Variants in DCAF1 observed in about 807,000 individuals in gnomAD.
DCAF1 encodes the protein DDB1 and CUL4 associated factor 1.
A neutral mutation model predicts 128.0 loss-of-function variants in DCAF1; 15 were observed. The ratio of observed to expected loss-of-function variants is 0.12; its 90% CI spans 0.08 to 0.18. The LOEUF (loss-of-function observed/expected upper bound fraction) is 0.18. Among genes scored for constraint, DCAF1 ranks in the 10% least tolerant of loss-of-function variants. The pLI is 1.00. For synonymous variants in DCAF1, 610 were observed against 603.0 expected (o/e 1.01, Z -0.17); for missense variants, 988 against 1,649.5 (o/e 0.60, Z 6.95).
chr3:51,458,817 A>C lies in DCAF1; in HGVS notation c.375+4297T>G, dbSNP rs1291844575. ...AACAACCTGCTCCTGAATGACTACTAGGTACATAATGAAATGAAGGCAGAA... is the reference window on the plus strand; with the variant it reads ...AACAACCTGCTCCTGAATGACTACTCGGTACATAATGAAATGAAGGCAGAA... On this transcript the variant is annotated intron_variant, in intron 6 of 24. Coordinates refer to ENST00000684031, the MANE Select transcript of DCAF1 (RefSeq NM_001387579.1). 7.2e-5 allele frequency among the ~76,000 whole-genome samples: 11 copies of C among 152,254 alleles called. No individual in the cohort carries two copies. In the East Asian group the frequency reaches 2.1e-3, roughly 29 times the overall value.
chr3:51,414,053 G>T lies in DCAF1; in HGVS notation c.3838-10C>A. ...AAGTTCGAAGGTCCCACTAGGAGGG[G>T]AATGGTCAAGGAAAACTATTTTACA... is the stretch of plus-strand genomic sequence containing the variant. On this transcript the variant is annotated splice_polypyrimidine_tract_variant and intron_variant, in intron 19 of 24. Transcript: ENST00000684031. The T allele has an allele frequency of 6.3e-7, 1 of 1,589,062 alleles. No individual in the cohort carries two copies. The highest frequency in any genetic ancestry group is 1.3e-5 in the African/African-American group (1 of 74,346).
At chr3:51,468,458 C>T (rs550299447) in intron 4 of DCAF1, among the ~76,000 whole-genome samples, 2 of 152,244 alleles carry the variant, frequency 1.3e-5, no homozygotes, top group South Asian at 2.1e-4. Context: ...AGGTATGAGC[C>T]ATCACACGCG....
chr3:51,448,069 T>C (rs1221891686), intron 6 of DCAF1, among the ~76,000 whole-genome samples: 3 of 152,246 alleles, frequency 2.0e-5, no homozygotes, highest in African/African-American at 7.2e-5. Flanking sequence ...GAATGTTTTT[T>C]TACTCTAGTT....
At chr3:51,436,532 G>C (rs1577137734) in intron 9 of DCAF1, 1 of 446,170 alleles carries the variant, frequency 2.2e-6, no homozygotes, top group East Asian at 6.4e-5. Flanking sequence ...CCCTATGCTA[G>C]GATAGACTGT....
At chr3:51,481,269 G>A (rs145499276) in intron 3 of DCAF1, among the ~76,000 whole-genome samples, 1 of 152,172 alleles carries the variant, frequency 6.6e-6, no homozygotes, top group Non-Finnish European at 1.5e-5. Flanking sequence ...ATGAATGAAG[G>A]TAGGAAAATC....
At chr3:51,461,844 T>C (rs1373097552) in intron 6 of DCAF1, among the ~76,000 whole-genome samples, 4 of 151,782 alleles carry the variant, frequency 2.6e-5, no homozygotes, top group Non-Finnish European at 5.9e-5. Context: ...TTCTCACTCA[T>C]AGGTGGGAAT....
At chr3:51,483,920 G>C in intron 2 of DCAF1, 84 bp from the exon 3 acceptor site, 1 of 893,552 alleles carries the variant, frequency 1.1e-6, no homozygotes, top group Non-Finnish European at 1.8e-6. Context: ...AGAAAAGGAC[G>C]AGAAGGCAAG....
chr3:51,474,294 C>A (rs1705160153), intron 3 of DCAF1, among the ~76,000 whole-genome samples: 7 of 152,112 alleles, frequency 4.6e-5, no homozygotes, highest in Admixed American at 4.6e-4. Flanking sequence ...GTGGTGCATG[C>A]CTGTAATTCC....
chr3:51,457,274 C>T (rs143657799), intron 6 of DCAF1, among the ~76,000 whole-genome samples: 4,565 of 152,180 alleles, frequency 0.03, 262 homozygotes, highest in African/African-American at 0.1. Context: ...AATGCAGAAG[C>T]CTCAGTAGCC....
chr3:51,501,627 C>T (rs1301884360), upstream of DCAF1, among the ~76,000 whole-genome samples: 2 of 152,116 alleles, frequency 1.3e-5, no homozygotes, highest in Admixed American at 6.6e-5. Flanking sequence ...CCACTAGATC[C>T]CATTTCCCTC....
intron 15 of DCAF1, 49 bp downstream of exon 15, chr3:51,419,685 T>G: frequency 6.5e-7 from 1 of 1,540,720 alleles, no homozygotes; most frequent in Non-Finnish European, 8.7e-7. Flanking sequence ...TTGATTTAAA[T>G]AAAAGAATCA....
At chr3:51,443,659 C>T in intron 7 of DCAF1, 107 bp downstream of exon 7, 1 of 964,526 alleles carries the variant, frequency 1.0e-6, no homozygotes, top group Non-Finnish European at 1.4e-6. Context: ...TATAGCCATG[C>T]TCCAGTACAA....
intron 9 of DCAF1, among the ~76,000 whole-genome samples, chr3:51,437,164 G>A (rs552395454): frequency 2.7e-5 from 4 of 149,906 alleles, no homozygotes; most frequent in Non-Finnish European, 5.9e-5. Flanking sequence ...TTGGGAGCCT[G>A]AGACAGGAGA....
At chr3:51,397,610 G>A (rs1577027808), downstream of DCAF1, 1 of 167,124 alleles carries the variant, frequency 6.0e-6, no homozygotes, top group African/African-American at 2.4e-5. Context: ...AGGGAACAAA[G>A]CCCTGACCTC....
intron 3 of DCAF1, among the ~76,000 whole-genome samples, chr3:51,473,674 C>T (rs782260265): frequency 3.9e-5 from 6 of 151,908 alleles, no homozygotes; most frequent in Admixed American, 6.6e-5. Flanking sequence ...CCACCATGCC[C>T]GGCTAACTTC....
intron 2 of DCAF1, among the ~76,000 whole-genome samples, chr3:51,493,301 C>G (rs1438207969): frequency 6.6e-6 from 1 of 151,842 alleles, no homozygotes; most frequent in Non-Finnish European, 1.5e-5. Flanking sequence ...CAAAATTAAC[C>G]AGGCATGGTG....
downstream of DCAF1, chr3:51,397,176 G>A (rs1184164216): frequency 1.2e-5 from 2 of 167,088 alleles, no homozygotes; most frequent in Non-Finnish European, 2.9e-5. Context: ...GTAACAAACT[G>A]AGCAGCTGTT....
At chr3:51,488,803 C>CA (rs879981809) in intron 2 of DCAF1, among the ~76,000 whole-genome samples, 67 of 138,240 alleles carry the variant, frequency 4.8e-4, no homozygotes, top group South Asian at 1.1e-3. Context: ...ACTCCGTCTA[C>CA]AAAAAAAAAA....
At chr3:51,427,251 C>G in intron 13 of DCAF1, 121 bp downstream of exon 13, 1 of 563,812 alleles carries the variant, frequency 1.8e-6, no homozygotes, top group East Asian at 2.9e-5. Context: ...TTCTCAGATT[C>G]AAGTCCAAAA....
Sources: gnomAD v4.1 joint callset for allele counts (sites outside exome capture counted in the v4.1 genomes callset) on GRCh38, gnomAD v4.1.1 for gene constraint, MANE v1.5 for transcripts, NCBI Gene and HGNC (gene_info 2026-07-23, HGNC 2026-07-21) for gene names.